Variants in TSC1 observed in about 807,000 individuals in gnomAD.
TSC1 encodes the protein hamartin.
TSC1 carries 20 observed loss-of-function variants against 124.3 expected under a neutral mutation model. The observed-to-expected ratio is 0.16, with a 90% CI of 0.11 to 0.23. The LOEUF is 0.23. Ranked by LOEUF, TSC1 falls within the 10% of genes least tolerant of loss-of-function variation. TSC1 has a pLI of 1.00. For synonymous variants in TSC1, 493 were observed against 539.1 expected, an observed-to-expected ratio of 0.91 and a Z score of 1.19; for missense variants, 1,124 against 1,448.5, an observed-to-expected ratio of 0.78 and a Z score of 3.64.
At chr9:132,939,212 C>A (rs1847615024) in intron 1 of TSC1, 2 of 152,320 alleles carry the variant, frequency 1.3e-5, no homozygotes, top group South Asian at 2.1e-4. Flanking sequence ...AACCAAGACG[C>A]CTTCAGCACA....
Position 132,921,284 on chromosome 9 carries a change from C to T in TSC1, c.737+79G>A, listed in dbSNP as rs1846536087. 1.4e-6 allele frequency: 2 copies of T among 1,458,872 alleles called. No homozygotes were observed. Among genetic ancestry groups the T allele is most frequent in the East Asian group, 4.7e-5 (2 of 42,972 alleles). 90.4% of individuals were successfully genotyped at this position (1,458,872 alleles called of 1,614,324 possible). Reference sequence around the variant, plus strand: ...TAGAACATCTATATTCCCAAATATACCTCAACAGGGATTACCTCCTAGATC... The same window carrying T: ...TAGAACATCTATATTCCCAAATATATCTCAACAGGGATTACCTCCTAGATC... On this transcript the variant is annotated intron_variant, in intron 8 of 22. Transcript: ENST00000298552. The surrounding 1 kb of genome is among the most constrained non-coding windows in gnomAD (Gnocchi z 4.3).
Position 132,893,134 on chromosome 9 carries a change from C to CT in TSC1, c.*3100_*3101insA, listed in dbSNP as rs1564465354. ...ACAAAGTAGCTCACCTCTCGCCTCT[C>CT]CACTCTTCAAGCTTAGTAAGAAGAT... On this transcript the variant is annotated 3_prime_UTR_variant, in exon 23 of 23. Transcript: ENST00000298552. 4.3e-6 allele frequency: 1 copy of CT among 233,158 alleles called. No individual in the cohort carries two copies. Among genetic ancestry groups the CT allele is most frequent in the Non-Finnish European group, 8.5e-6 (1 of 118,066 alleles). The allele number at this position is 233,158 out of a possible 1,614,324, so 14.4% of individuals were successfully genotyped here. A position where few individuals can be genotyped will look rare whatever the true frequency, so the allele number is the denominator to read the frequency against.
chr9:132,943,121 A>G (rs1010219966), intron 1 of TSC1, among the ~76,000 whole-genome samples: 1 of 152,138 alleles, frequency 6.6e-6, no homozygotes. Context: ...GATGACTCCA[A>G]GTTGATCCCA....
chr9:132,944,926 G>A (rs1848007547), upstream of TSC1: 1 of 253,274 alleles, frequency 3.9e-6, no homozygotes, highest in South Asian at 1.7e-4. Context: ...CCACGCGAGA[G>A]CCCGAGGGGG....
rs1020373093 is a variant in TSC1 at position 132,923,790 on chromosome 9, T to C, written c.364-298A>G. The C allele has an allele frequency of 1.0e-5, 4 of 381,204 alleles. No homozygotes were observed. Among genetic ancestry groups the C allele is most frequent in the Non-Finnish European group, 2.0e-5 (4 of 204,058 alleles). The allele number at this position is 381,204 out of a possible 1,614,324, so 23.6% of individuals were successfully genotyped here. ...TTGGGGACACCCAAGTCCTGCAGCC[T>C]TAGGATGCCCTATTGATAGCAGTTG... On this transcript the variant is annotated intron_variant, in intron 5 of 22. Transcript: ENST00000298552. This position sits in a 1 kb window ranked among gnomAD's most constrained non-coding sequence, Gnocchi z 4.2.
intron 9 of TSC1, 111 bp downstream of exon 9, chr9:132,912,171 A>G (rs1845998550): frequency 2.2e-6 from 3 of 1,345,984 alleles, no homozygotes; most frequent in Non-Finnish European, 2.1e-6. Context: ...TTTGGGAAAA[A>G]TCCCTAGGAA....
At position 132,894,754 on chromosome 9, in the gene TSC1, A is replaced by G. The variant is rs1013888273; in HGVS notation, c.*1481T>C. 4 of 228,600 alleles carry G rather than the reference A, an allele frequency of 1.7e-5. No individual in the cohort carries two copies. Among genetic ancestry groups the G allele is most frequent in the African/African-American group, 6.7e-5 (3 of 44,960 alleles). 14.2% of individuals were successfully genotyped at this position (228,600 alleles called of 1,614,324 possible). The stretch of plus-strand genomic sequence containing the variant: ...TCTGCTCGAGGCCTCCGTGGGCACT[A>G]AGATTTCGTACCGTGACAGTTTTTT... On this transcript the variant is annotated 3_prime_UTR_variant, in exon 23 of 23. Coordinates refer to ENST00000298552, the MANE Select transcript of TSC1 (RefSeq NM_000368.5).
rs745871522 is a variant in TSC1 at position 132,923,486 on chromosome 9, T to C, written c.370A>G (p.Thr124Ala). The C allele has an allele frequency of 5.6e-6, 9 of 1,613,980 alleles. No individual in the cohort carries two copies. Among genetic ancestry groups the C allele is most frequent in the African/African-American group, 4.0e-5 (3 of 74,926 alleles). Residue 124 changes from threonine to alanine, a missense_variant, in exon 6 of 23, where the codon ACT (threonine) becomes GCT (alanine). Physicochemically the swap from Thr to Ala is moderately conservative, Grantham distance 58 (BLOSUM62 0). Around this residue, in one of 5 missense-constraint regions of TSC1, gnomAD observed 463 missense variants for 606.8 expected, o/e 0.76. Transcript: ENST00000298552. This position sits in a 1 kb window ranked among gnomAD's most constrained non-coding sequence, Gnocchi z 4.2. ...PSLLKCLKMDTDVVVLTTGVL... is the reference protein window; with the variant it reads ...PSLLKCLKMDADVVVLTTGVL... ...CCTGTTGTGAGGACAACGACGTCAG[T>C]GTCCATCTGCAGGAGAAAAGGTCAA...
chr9:132,907,765 C>T lies in TSC1; in HGVS notation c.1264-395G>A, dbSNP rs117118297. On this transcript the variant is annotated intron_variant, in intron 12 of 22. Transcript: ENST00000298552. Reference sequence around the variant, plus strand: ...TCGGCCTCCCAAAGTGCTGGGACCACGCCCAGCAGCTTTCTTTATAGTCTT... The same window carrying T: ...TCGGCCTCCCAAAGTGCTGGGACCATGCCCAGCAGCTTTCTTTATAGTCTT... Among the ~76,000 whole-genome samples, 695 of 152,314 alleles carry T rather than the reference C, an allele frequency of 4.6e-3. 32 individuals carry two copies. In the East Asian group the frequency reaches 0.098, roughly 22 times the overall value.
chr9:132,934,613 G>C (rs1588374594), intron 2 of TSC1: 1 of 155,052 alleles, frequency 6.4e-6, no homozygotes, highest in East Asian at 1.9e-4. Flanking sequence ...GGTGCAGCCA[G>C]GGTTAAGAAC....
intron 12 of TSC1, among the ~76,000 whole-genome samples, chr9:132,907,741 C>T (rs996857023): frequency 5.9e-5 from 9 of 152,294 alleles, no homozygotes; most frequent in Admixed American, 3.3e-4. Context: ...CTGCCTGCCT[C>T]GGCCTCCCAA....
intron 6 of TSC1, among the ~76,000 whole-genome samples, 197 bp from the exon 7 acceptor site, chr9:132,922,170 T>C (rs1157219183): frequency 6.6e-6 from 1 of 152,210 alleles, no homozygotes; most frequent in East Asian, 1.9e-4. Context: ...AATCCATCAA[T>C]GGCTCCCTAT....
At chr9:132,942,239 A>G (rs1354319493) in intron 1 of TSC1, 2 of 152,386 alleles carry the variant, frequency 1.3e-5, no homozygotes, top group South Asian at 4.1e-4. Context: ...ATAAATGAAA[A>G]TAGCCAGAAT....
chr9:132,894,415 G>A lies in TSC1; in HGVS notation c.*1820C>T, dbSNP rs765079072. On this transcript the variant is annotated 3_prime_UTR_variant, in exon 23 of 23. Transcript: ENST00000298552. The stretch of plus-strand genomic sequence containing the variant: ...TGTTCACGTTTTCCTTTTCTAAAAC[G>A]GAACCAGGAAACTAGACTGTATTGG... The A allele has an allele frequency of 3.9e-5, 9 of 229,040 alleles. No individual in the cohort carries two copies. Among genetic ancestry groups the A allele is most frequent in the Non-Finnish European group, 4.3e-5 (5 of 115,244 alleles). The allele number at this position is 229,040 out of a possible 1,614,324, so 14.2% of individuals were successfully genotyped here. A position where few individuals can be genotyped will look rare whatever the true frequency, so the allele number is the denominator to read the frequency against.
chr9:132,926,865 C>T (rs996329782), intron 4 of TSC1: 20 of 332,208 alleles, frequency 6.0e-5, no homozygotes, highest in Admixed American at 3.5e-4. Context: ...TTAGTAGAGA[C>T]GGGGTTTCAC....
chr9:132,944,983 A>T (rs1321052194), upstream of TSC1: 1 of 188,504 alleles, frequency 5.3e-6, no homozygotes, highest in African/African-American at 2.3e-5. Flanking sequence ...CGCGGCGGAG[A>T]GGCGTAAACA....
At position 132,894,803 on chromosome 9, in the gene TSC1, T is replaced by TA. The variant is rs1844949027; in HGVS notation, c.*1431dup. Reference sequence around the variant, plus strand: ...TTACCTCTTTATGACTGAATCCTTCTATTCTTTTTAATGAAAGATAGAAAC... The same window carrying TA: ...TTACCTCTTTATGACTGAATCCTTCTAATTCTTTTTAATGAAAGATAGAAAC... On this transcript the variant is annotated 3_prime_UTR_variant, in exon 23 of 23. Coordinates refer to ENST00000298552, the MANE Select transcript of TSC1 (RefSeq NM_000368.5). The TA allele has an allele frequency of 4.3e-6, 1 of 229,944 alleles. No individual in the cohort carries two copies. Among genetic ancestry groups the TA allele is most frequent in the South Asian group, 1.8e-4 (1 of 5,492 alleles). 14.2% of individuals were successfully genotyped at this position (229,944 alleles called of 1,614,324 possible).
At position 132,910,671 on chromosome 9, in the gene TSC1, A is replaced by G. The variant is rs377598226; in HGVS notation, c.1163T>C (p.Leu388Pro). ...GTTAGGKGTPLGTPATSPPPA... is the reference protein window; with the variant it reads ...GTTAGGKGTPPGTPATSPPPA... ...AGGAGGAGAGGTTGCTGGGGTTCCCAGAGGAGTTCCTTTTCCACCTGCTTA... is the reference window on the plus strand; with the variant it reads ...AGGAGGAGAGGTTGCTGGGGTTCCCGGAGGAGTTCCTTTTCCACCTGCTTA... Residue 388 changes from leucine (L) to proline (P), a missense_variant, in exon 12 of 23, where the codon CTG (leucine) becomes CCG (proline). Coordinates refer to ENST00000298552, the MANE Select transcript of TSC1 (RefSeq NM_000368.5). The G allele has an allele frequency of 6.8e-5, 109 of 1,613,996 alleles. No individual in the cohort carries two copies. The African/African-American group carries it at 1.2e-3, about 17-fold the overall frequency.
intron 20 of TSC1, chr9:132,898,934 T>C (rs539640488): frequency 6.6e-6 from 1 of 152,560 alleles, no homozygotes; most frequent in South Asian, 2.1e-4. Flanking sequence ...CTTTTCCTTT[T>C]CTTTTTTTTG....
Sources: allele counts gnomAD v4.1 joint callset (sites outside exome capture counted in the v4.1 genomes callset), GRCh38; gene constraint gnomAD v4.1.1; regional missense constraint gnomAD v4.1.1; non-coding constraint Gnocchi (gnomAD v3.1); transcripts MANE v1.5; gene names NCBI Gene and HGNC (gene_info 2026-07-23, HGNC 2026-07-21).